Variants in SLC6A15 observed in about 807,000 individuals in gnomAD.
The protein encoded by SLC6A15 is sodium-dependent neutral amino acid transporter B(0)AT2.
Under a neutral mutation model 68.5 loss-of-function variants are expected in SLC6A15, and 33 were observed. The observed-to-expected ratio is 0.48, with a 90% CI of 0.37 to 0.64. The LOEUF (loss-of-function observed/expected upper bound fraction) is 0.64. Among genes scored for constraint, SLC6A15 ranks in the 30% least tolerant of loss-of-function variants. The pLI is 0.00. For synonymous variants in SLC6A15, 347 were observed against 301.0 expected (o/e 1.15, Z -1.58); for missense variants, 747 against 874.3 (o/e 0.85, Z 1.84).
chr12:84,862,701 A>C (rs1592589678), intron 11 of SLC6A15, among the ~76,000 whole-genome samples: 1 of 152,312 alleles, frequency 6.6e-6, no homozygotes, highest in East Asian at 1.9e-4. Context: ...ACTTTACTTC[A>C]AAATTTACTT....
intron 6 of SLC6A15, among the ~76,000 whole-genome samples, chr12:84,874,255 G>A (rs1228391010): frequency 2.0e-5 from 3 of 151,182 alleles, no homozygotes; most frequent in African/African-American, 4.9e-5. Flanking sequence ...GGCAAATGGC[G>A]TGTCCTCTCT....
In SLC6A15 at chr12:84,861,960, C is replaced by T. The variant is rs1384594580; in HGVS notation, c.1865G>A (p.Cys622Tyr). The T allele has an allele frequency of 6.2e-7, 1 of 1,612,848 alleles. No homozygotes were observed. Among genetic ancestry groups the T allele is most frequent in the Admixed American group, 1.7e-5 (1 of 59,750 alleles). The change falls in exon 12 of 12, where the codon TGT becomes TAT. Residue 622 changes from cysteine (C) to tyrosine (Y), a missense_variant. Cys to Tyr is a radical substitution (Grantham distance 194). Transcript: ENST00000266682. ...TATTGCAAAGACAACCAGAGAGACA[C>T]AAACAACCAGTCCCCATGTTGGATA... is the stretch of plus-strand genomic sequence containing the variant. ...LSYPTWGLVV[C>Y]VSLVVFAILP...
chr12:84,910,510 G>A (rs1017529196), intron 1 of SLC6A15, among the ~76,000 whole-genome samples: 1 of 152,132 alleles, frequency 6.6e-6, no homozygotes, highest in Non-Finnish European at 1.5e-5. Flanking sequence ...CTGTTTGTTA[G>A]TCCAAACTGC....
intron 1 of SLC6A15, among the ~76,000 whole-genome samples, chr12:84,897,840 G>C (rs1360342777): frequency 6.6e-6 from 1 of 152,024 alleles, no homozygotes; most frequent in Non-Finnish European, 1.5e-5. Flanking sequence ...CAAAGTAAAA[G>C]ATCTTAGTAA....
chr12:84,887,569 CAAAATTCTAATTCTA>C (rs941821881), intron 2 of SLC6A15, among the ~76,000 whole-genome samples: 1 of 152,088 alleles, frequency 6.6e-6, no homozygotes, highest in Non-Finnish European at 1.5e-5. Flanking sequence ...GCTTAGAAAA[CAAAATTCTAATTCTA>C]AAATGATTAG....
At chr12:84,866,697 G>A (rs1871079809) in intron 10 of SLC6A15, among the ~76,000 whole-genome samples, 1 of 152,134 alleles carries the variant, frequency 6.6e-6, no homozygotes, top group Admixed American at 6.6e-5. Flanking sequence ...TTCCTTATCT[G>A]TGAAATGTAG....
At chr12:84,872,879 G>A (rs944365398) in intron 7 of SLC6A15, 85 bp from the exon 8 acceptor site, 22 of 1,230,690 alleles carry the variant, frequency 1.8e-5, no homozygotes, top group Non-Finnish European at 2.5e-5. Flanking sequence ...ATAAGCTAAT[G>A]AATGAGCAAT....
chr12:84,904,224 G>GGGGA (rs1555183253), intron 1 of SLC6A15, among the ~76,000 whole-genome samples: 1 of 121,996 alleles, frequency 8.2e-6, no homozygotes, highest in South Asian at 2.7e-4. Flanking sequence ...GGGCGGAGGG[G>GGGGA]GAGAGAGAGA....
rs1201293702 is a variant in SLC6A15, at chr12:84,870,527, A to T, written c.1446T>A (p.Ile482=). The part of the protein sequence containing the change: ...LGSMFGTIEG[I]VTPIVDTFKV... The stretch of plus-strand genomic sequence containing the variant: ...TGAAAGTGTCCACAATAGGCGTGAC[A>T]ATCCCTTCAATGGTTCCAAACATAC... The change falls in exon 9 of 12, where the codon ATT becomes ATA. Residue 482 remains isoleucine, a synonymous_variant. Transcript: ENST00000266682. The T allele has an allele frequency of 1.3e-6, 2 of 1,590,768 alleles. No individual in the cohort carries two copies. The highest frequency in any genetic ancestry group is 2.7e-5 in the African/African-American group (2 of 73,814).
At chr12:84,902,309 AAC>A (rs1355518356) in intron 1 of SLC6A15, among the ~76,000 whole-genome samples, 1 of 151,970 alleles carries the variant, frequency 6.6e-6, no homozygotes, top group Non-Finnish European at 1.5e-5. Flanking sequence ...GGCTACAAAT[AAC>A]ACACCTATCA....
chr12:84,886,632 GT>G (rs1324491107), intron 2 of SLC6A15, among the ~76,000 whole-genome samples: 2 of 150,232 alleles, frequency 1.3e-5, no homozygotes, highest in African/African-American at 4.9e-5. Flanking sequence ...AGAGACAAAT[GT>G]CATTTTTCCC....
At chr12:84,862,956 AT>A (rs1370380721) in intron 11 of SLC6A15, among the ~76,000 whole-genome samples, 3 of 151,854 alleles carry the variant, frequency 2.0e-5, no homozygotes, top group South Asian at 4.1e-4. Context: ...TGCCCAGCTA[AT>A]TTTTTTCATC....
intron 1 of SLC6A15, among the ~76,000 whole-genome samples, chr12:84,901,827 GA>G (rs147946163): frequency 6.6e-6 from 1 of 151,064 alleles, no homozygotes; most frequent in African/African-American, 2.4e-5. Flanking sequence ...AAATTTCACT[GA>G]AAAAAAAGTT....
chr12:84,874,858 T>A (rs1181454920), intron 6 of SLC6A15, among the ~76,000 whole-genome samples: 2 of 152,196 alleles, frequency 1.3e-5, no homozygotes, highest in African/African-American at 4.8e-5. Flanking sequence ...CTCCCCTACA[T>A]AAACAATGTA....
chr12:84,876,649 CA>C (rs1275864796), intron 5 of SLC6A15, 42 bp from the exon 6 acceptor site: 7 of 932,908 alleles, frequency 7.5e-6, no homozygotes, highest in South Asian at 1.7e-5. Context: ...ATACAATGAC[CA>C]TTTTTTTATA....
chr12:84,895,193 C>A, intron 1 of SLC6A15, among the ~76,000 whole-genome samples: 1 of 151,798 alleles, frequency 6.6e-6, no homozygotes. Flanking sequence ...AAGTTATTGC[C>A]TTGAGAATGA....
At chr12:84,901,673 T>A (rs940354757) in intron 1 of SLC6A15, among the ~76,000 whole-genome samples, 1 of 151,812 alleles carries the variant, frequency 6.6e-6, no homozygotes, top group Non-Finnish European at 1.5e-5. Flanking sequence ...AAGTAGCAGG[T>A]AGGTGTCTGC....
chr12:84,906,220 C>T (rs74429644), intron 1 of SLC6A15, among the ~76,000 whole-genome samples: 4,056 of 152,100 alleles, frequency 0.027, 195 homozygotes, highest in African/African-American at 0.093. Flanking sequence ...CATAATTACA[C>T]GAAAATGTAA....
chr12:84,895,337 G>GTGTTTTTTTTTTTTTTTTTTTTTTT (rs1362312029), intron 1 of SLC6A15, among the ~76,000 whole-genome samples: 1 of 65,424 alleles, frequency 1.5e-5, no homozygotes, highest in African/African-American at 6.9e-5. Flanking sequence ...ATTTTTGTTT[G>GTGTTTTTTTTTTTTTTTTTTTTTTT]TATTTTTTTT....
Sources: allele counts gnomAD v4.1 joint callset (sites outside exome capture counted in the v4.1 genomes callset), GRCh38; gene constraint gnomAD v4.1.1; transcripts MANE v1.5; gene names NCBI Gene and HGNC (gene_info 2026-07-23, HGNC 2026-07-21).